The following NAV2 variants were observed in gnomAD, a reference collection of about 807,000 sequenced individuals.
The protein encoded by NAV2 is helicase, APC down-regulated 1.
Under a neutral mutation model 223.2 loss-of-function variants are expected in NAV2, and 54 were observed. The observed-to-expected ratio is 0.24, with a 90% confidence interval of 0.19 to 0.30. The LOEUF (loss-of-function observed/expected upper bound fraction) is 0.30, where lower values mean the gene tolerates loss of function less well. Ranked by LOEUF, NAV2 falls within the 10% of genes least tolerant of loss-of-function variation. NAV2 has a pLI of 1.00. For synonymous variants in NAV2, 1,279 were observed against 1,239.3 expected (o/e 1.03, Z -0.67); for missense variants, 2,806 against 3,147.5 (o/e 0.89, Z 2.60).
At chr11:19,351,964 GCT>G (rs1471160369) in intron 1 of NAV2, among the ~76,000 whole-genome samples, 3 of 144,300 alleles carry the variant, frequency 2.1e-5, no homozygotes, top group Middle Eastern at 3.2e-3. Flanking sequence ...ATTTTATGTG[GCT>G]CTCTCTGTGA....
In NAV2 at chr11:20,107,747, C is replaced by G; in HGVS notation, c.6925C>G (p.Pro2309Ala). The G allele has an allele frequency of 6.2e-7, 1 of 1,614,116 alleles. No individual in the cohort carries two copies. The highest frequency in any genetic ancestry group is 8.5e-7 in the Non-Finnish European group (1 of 1,179,976). ...FTDLWNYSIIPYLLEAVREGL... is the reference protein window; with the variant it reads ...FTDLWNYSIIAYLLEAVREGL... ...CGACTTGTGGAACTATTCCATTATC[C>G]CCTATCTCCTGGAAGCCGTCAGAGA... The change falls in exon 36 of 38, where the codon CCC (proline) becomes GCC (alanine). Residue 2309 changes from proline to alanine, a missense_variant. Around this residue, in one of 4 missense-constraint regions of NAV2, gnomAD observed 824 missense variants for 1,069.4 expected, o/e 0.77. Transcript: ENST00000349880.
chr11:19,940,495 T>C (rs2046317719), intron 8 of NAV2, among the ~76,000 whole-genome samples: 1 of 152,226 alleles, frequency 6.6e-6, no homozygotes, highest in South Asian at 2.1e-4. Flanking sequence ...TCCAAAACTC[T>C]GTGTCCCAAG....
At chr11:19,450,222 G>C (rs79157824) in intron 1 of NAV2, among the ~76,000 whole-genome samples, 1 of 152,128 alleles carries the variant, frequency 6.6e-6, no homozygotes, top group African/African-American at 2.4e-5. Flanking sequence ...CTGGGGAGTG[G>C]CTCAACACCT....
At chr11:19,412,507 T>G (rs959846885) in intron 1 of NAV2, among the ~76,000 whole-genome samples, 4 of 151,292 alleles carry the variant, frequency 2.6e-5, no homozygotes, top group African/African-American at 9.7e-5. Flanking sequence ...TCAGCAGACT[T>G]AAACGTCTGC....
At chr11:19,739,277 T>C (rs1481874378) in intron 1 of NAV2, among the ~76,000 whole-genome samples, 1 of 152,246 alleles carries the variant, frequency 6.6e-6, no homozygotes, top group Admixed American at 6.5e-5. Context: ...TATTGAACAT[T>C]CATATATACT....
chr11:20,083,290 T>C, intron 26 of NAV2, 111 bp downstream of exon 26: 1 of 841,538 alleles, frequency 1.2e-6, no homozygotes, highest in Non-Finnish European at 1.8e-6. Flanking sequence ...TCCTTTATGC[T>C]TTGCTTTAAT....
intron 1 of NAV2, among the ~76,000 whole-genome samples, chr11:19,374,034 C>T (rs1401475396): frequency 6.6e-6 from 1 of 152,154 alleles, no homozygotes; most frequent in Non-Finnish European, 1.5e-5. Flanking sequence ...AACAGTAGAT[C>T]TTTCTTAATT....
chr11:19,959,980 C>T (rs1038122802), intron 10 of NAV2, among the ~76,000 whole-genome samples: 1 of 152,192 alleles, frequency 6.6e-6, no homozygotes, highest in Admixed American at 6.5e-5. Context: ...TTGGGTGTTA[C>T]TGAGACTGGC....
intron 1 of NAV2, chr11:19,777,947 G>T (rs992608459): frequency 1.5e-5 from 7 of 455,692 alleles, no homozygotes; most frequent in East Asian, 1.4e-4. Context: ...TCTCTACTGC[G>T]GTTTGGCTTG....
At chr11:20,111,214 G>T (rs1015880880) in intron 36 of NAV2, among the ~76,000 whole-genome samples, 2 of 152,194 alleles carry the variant, frequency 1.3e-5, no homozygotes, top group Non-Finnish European at 2.9e-5. Flanking sequence ...CAGTCAGAAG[G>T]CTCACAGTGG....
chr11:19,730,922 A>G (rs1007196370), intron 1 of NAV2, among the ~76,000 whole-genome samples: 2 of 152,262 alleles, frequency 1.3e-5, no homozygotes, highest in Non-Finnish European at 2.9e-5. Flanking sequence ...AAATGATGAA[A>G]AAATTTTAAT....
chr11:19,863,608 T>C (rs1481917491), intron 3 of NAV2, among the ~76,000 whole-genome samples: 6 of 152,222 alleles, frequency 3.9e-5, no homozygotes, highest in Non-Finnish European at 7.3e-5. Context: ...ACCTATGTGC[T>C]GCCTCTTCCT....
At chr11:19,803,977 G>T (rs1461334913) in intron 1 of NAV2, among the ~76,000 whole-genome samples, 2 of 152,164 alleles carry the variant, frequency 1.3e-5, no homozygotes, top group East Asian at 3.9e-4. Flanking sequence ...TAGGATTAAA[G>T]GTGAGACAAA....
intron 25 of NAV2, among the ~76,000 whole-genome samples, chr11:20,081,451 A>G (rs924120352): frequency 1.6e-4 from 24 of 152,232 alleles, no homozygotes; most frequent in African/African-American, 5.8e-4. Context: ...ACTCCCGCTT[A>G]TCAGTCAAAT....
chr11:19,553,998 C>G (rs2044780160), intron 1 of NAV2, among the ~76,000 whole-genome samples: 1 of 152,208 alleles, frequency 6.6e-6, no homozygotes, highest in South Asian at 2.1e-4. Flanking sequence ...TTTCTGTTCC[C>G]CTAGCAATCA....
intron 1 of NAV2, among the ~76,000 whole-genome samples, chr11:19,673,054 T>C (rs896258158): frequency 1.3e-5 from 2 of 152,208 alleles, no homozygotes; most frequent in South Asian, 4.1e-4. Flanking sequence ...GCCCAAGAGC[T>C]ATATTAAACA....
intron 11 of NAV2, among the ~76,000 whole-genome samples, chr11:19,985,617 C>A (rs2050725433): frequency 6.6e-6 from 1 of 151,826 alleles, no homozygotes. Context: ...CACTCTGTCA[C>A]CCAGGCTGGA....
At chr11:19,441,327 C>T (rs1851392790) in intron 1 of NAV2, among the ~76,000 whole-genome samples, 1 of 151,920 alleles carries the variant, frequency 6.6e-6, no homozygotes, top group Non-Finnish European at 1.5e-5. Context: ...CTTAAGAGTC[C>T]TAGTGAGATA....
chr11:19,929,783 T>C (rs2707080), intron 6 of NAV2, among the ~76,000 whole-genome samples: 10 of 152,358 alleles, frequency 6.6e-5, no homozygotes, highest in African/African-American at 2.4e-4. Flanking sequence ...AGTATCTTTA[T>C]GCTCCAGCAG....
Sources: allele counts gnomAD v4.1 joint callset (sites outside exome capture counted in the v4.1 genomes callset), GRCh38; gene constraint gnomAD v4.1.1; regional missense constraint gnomAD v4.1.1; transcripts MANE v1.5; gene names NCBI Gene and HGNC (gene_info 2026-07-23, HGNC 2026-07-21).